ADGRB3: variants seen among roughly 807,000 people sequenced by gnomAD.
The protein encoded by ADGRB3 is adhesion G protein-coupled receptor B3.
ADGRB3 carries 37 observed loss-of-function variants against 193.4 expected under a neutral mutation model. The ratio of observed to expected loss-of-function variants is 0.19; its 90% CI spans 0.15 to 0.25. The LOEUF (loss-of-function observed/expected upper bound fraction) is 0.25. ADGRB3 is among the 10% of genes least tolerant of loss of function. The pLI is 1.00. For synonymous variants in ADGRB3, 690 were observed against 644.2 expected, an observed-to-expected ratio of 1.07 and a Z score of -1.08; for missense variants, 1,637 against 1,852.9, an observed-to-expected ratio of 0.88 and a Z score of 2.14.
At chr6:69,258,477 T>C (rs1766830868) in intron 20 of ADGRB3, among the ~76,000 whole-genome samples, 1 of 152,208 alleles carries the variant, frequency 6.6e-6, no homozygotes, top group South Asian at 2.1e-4. Flanking sequence ...AAACACTAGA[T>C]ACAGTTAATG....
rs147806892 is a variant in ADGRB3 at position 68,931,031 on chromosome 6, A to G, written c.868+362A>G. Among the ~76,000 whole-genome samples the G allele has an allele frequency of 9.9e-3, 1,506 of 152,170 alleles. 22 individuals are homozygous for G. Among genetic ancestry groups the G allele is most frequent in the African/African-American group, 0.034 (1,419 of 41,558 alleles). ...TTAGAACTTTAAATGACTCTAGACA[A>G]TGAAATTTATTTTAACAATATTGAA... On this transcript the variant is annotated intron_variant, in intron 4 of 31. Coordinates refer to ENST00000370598, the MANE Select transcript of ADGRB3 (RefSeq NM_001704.3).
chr6:69,012,796 T>C (rs2150284760), intron 11 of ADGRB3, among the ~76,000 whole-genome samples: 1 of 152,218 alleles, frequency 6.6e-6, no homozygotes, highest in East Asian at 1.9e-4. Flanking sequence ...TTGTTTTTCA[T>C]TTAATAGCAC....
intron 3 of ADGRB3, among the ~76,000 whole-genome samples, chr6:68,672,752 G>C (rs1394785450): frequency 6.6e-6 from 1 of 151,952 alleles, no homozygotes; most frequent in East Asian, 1.9e-4. Flanking sequence ...TTGCTGGGAA[G>C]GTATTTTTTT....
rs148839449 is a variant in ADGRB3 at position 68,772,988 on chromosome 6, C to T, written c.757+133556C>T. ...TAAAATAGACAGGCATGGTAGTACA[C>T]GCCTTTAGTCCTAGCTACTTGGGAG... On this transcript the variant is annotated intron_variant, in intron 3 of 31. Coordinates refer to ENST00000370598, the MANE Select transcript of ADGRB3 (RefSeq NM_001704.3). Among the ~76,000 whole-genome samples the T allele has an allele frequency of 1.9e-3, 282 of 146,130 alleles. 4 individuals carry two copies. The highest frequency in any genetic ancestry group is 6.8e-3 in the African/African-American group (271 of 39,622).
At chr6:69,305,928 A>G (rs899804999) in intron 20 of ADGRB3, among the ~76,000 whole-genome samples, 3 of 151,626 alleles carry the variant, frequency 2.0e-5, no homozygotes, top group African/African-American at 7.3e-5. Context: ...TTTACCATGC[A>G]TAGAATACTA....
intron 17 of ADGRB3, among the ~76,000 whole-genome samples, chr6:69,190,067 T>G (rs1765156297): frequency 6.6e-6 from 1 of 152,174 alleles, no homozygotes; most frequent in Admixed American, 6.6e-5. Context: ...CGGTACATAA[T>G]ATTTCATAAT....
chr6:69,188,848 G>A (rs1452505046), intron 17 of ADGRB3, among the ~76,000 whole-genome samples: 2 of 151,922 alleles, frequency 1.3e-5, no homozygotes. Flanking sequence ...TTAATTTAAT[G>A]TCTTCACATA....
At chr6:69,105,137 A>G (rs1181529424) in intron 17 of ADGRB3, among the ~76,000 whole-genome samples, 1 of 152,224 alleles carries the variant, frequency 6.6e-6, no homozygotes, top group South Asian at 2.1e-4. Flanking sequence ...GAAATGTTTC[A>G]TCATTCATTT....
At chr6:68,867,002 A>G (rs1459804759) in intron 3 of ADGRB3, among the ~76,000 whole-genome samples, 2 of 152,208 alleles carry the variant, frequency 1.3e-5, no homozygotes, top group Admixed American at 1.3e-4. Flanking sequence ...TTGCAGACTG[A>G]CCATGTGGTA....
chr6:68,712,149 A>C (rs1765418048), intron 3 of ADGRB3, among the ~76,000 whole-genome samples: 1 of 152,020 alleles, frequency 6.6e-6, no homozygotes, highest in Non-Finnish European at 1.5e-5. Context: ...AGTGCACTAA[A>C]ATTTTTATGA....
chr6:69,057,417 T>C (rs1328488110), intron 15 of ADGRB3, among the ~76,000 whole-genome samples: 1 of 152,064 alleles, frequency 6.6e-6, no homozygotes, highest in African/African-American at 2.4e-5. Flanking sequence ...ACCTAATTGC[T>C]GTTTGTAGGA....
chr6:68,944,766 A>T (rs909028217), intron 6 of ADGRB3, among the ~76,000 whole-genome samples: 1 of 152,222 alleles, frequency 6.6e-6, no homozygotes, highest in African/African-American at 2.4e-5. Context: ...TATAGAAGAA[A>T]ATACACACAC....
At chr6:68,659,450 TTTC>T (rs770266977) in intron 3 of ADGRB3, among the ~76,000 whole-genome samples, 2 of 150,972 alleles carry the variant, frequency 1.3e-5, no homozygotes, top group African/African-American at 2.4e-5. Flanking sequence ...GTTTCCTTTT[TTTC>T]TTATTTATTT....
At chr6:69,144,837 A>T (rs1365357424) in intron 17 of ADGRB3, among the ~76,000 whole-genome samples, 2 of 149,066 alleles carry the variant, frequency 1.3e-5, no homozygotes, top group African/African-American at 5.0e-5. Flanking sequence ...TTTTTGCATC[A>T]ATGTTAATCA....
chr6:68,754,086 G>T (rs190730745), intron 3 of ADGRB3, among the ~76,000 whole-genome samples: 82 of 152,210 alleles, frequency 5.4e-4, no homozygotes, highest in African/African-American at 1.7e-3. Flanking sequence ...TGTGATTTGG[G>T]TCCCTCATTT....
chr6:69,176,933 G>A (rs1317686493), intron 17 of ADGRB3, among the ~76,000 whole-genome samples: 1 of 152,110 alleles, frequency 6.6e-6, no homozygotes, highest in Non-Finnish European at 1.5e-5. Flanking sequence ...ATTCATAATA[G>A]TCTTTCAGGA....
intron 17 of ADGRB3, among the ~76,000 whole-genome samples, chr6:69,229,709 A>G (rs150980896): frequency 6.6e-6 from 1 of 152,320 alleles, no homozygotes; most frequent in East Asian, 1.9e-4. Context: ...TTTTTACTAA[A>G]TAGCTTTTCA....
intron 20 of ADGRB3, among the ~76,000 whole-genome samples, chr6:69,284,035 C>G (rs574953508): frequency 1.9e-4 from 29 of 152,220 alleles, no homozygotes; most frequent in African/African-American, 7.0e-4. Context: ...TGGAACGATG[C>G]CTCTTTCTTT....
At chr6:68,764,182 G>A (rs1270362736) in intron 3 of ADGRB3, among the ~76,000 whole-genome samples, 7 of 152,152 alleles carry the variant, frequency 4.6e-5, no homozygotes, top group Admixed American at 3.9e-4. Context: ...AGTATTTAAT[G>A]TTCTTGCCAA....
Sources: allele counts gnomAD v4.1 joint callset (sites outside exome capture counted in the v4.1 genomes callset), GRCh38; gene constraint gnomAD v4.1.1; transcripts MANE v1.5; gene names NCBI Gene and HGNC (gene_info 2026-07-23, HGNC 2026-07-21).